The following PRCP variants were observed in gnomAD, a reference collection of about 807,000 sequenced individuals.
PRCP encodes the protein lysosomal Pro-X carboxypeptidase.
In PRCP, 46 loss-of-function variants were observed where a neutral mutation model predicts 54.2. The ratio of observed to expected loss-of-function variants is 0.85; its 90% CI spans 0.67 to 1.09. PRCP has a LOEUF of 1.09. PRCP is among the 50% of genes least tolerant of loss of function. The probability of loss-of-function intolerance (pLI) is 0.00; values close to 1 mark genes in which losing one functional copy is unlikely to be tolerated. For missense variants in PRCP, 613 were observed against 596.8 expected, an observed-to-expected ratio of 1.03 and a Z score of -0.28; for synonymous variants, 240 against 212.2, an observed-to-expected ratio of 1.13 and a Z score of -1.14.
In PRCP at chr11:82,900,385, G is replaced by C. The variant is rs746158570; in HGVS notation, c.18C>G (p.Leu6=). 3.7e-6 allele frequency: 6 copies of C among 1,613,784 alleles called. No homozygotes were observed. Among genetic ancestry groups the C allele is most frequent in the South Asian group, 2.2e-5 (2 of 91,086 alleles). MGRRA[L]LLLLLSFLAP... ...CCAGAAAAGACAGAAGCAGGAGCAG[G>C]AGGGCTCGGCGGCCCATGGCTCAGG... The change falls in exon 1 of 9, where the codon CTC becomes CTG. Residue 6 remains leucine, a synonymous_variant. Coordinates refer to ENST00000313010, the MANE Select transcript of PRCP (RefSeq NM_005040.4).
In PRCP at chr11:82,860,117, C is replaced by A; in HGVS notation, c.169G>T (p.Val57Phe). The change falls in exon 2 of 9, where the codon GTT becomes TTT. Residue 57 changes from valine (V) to phenylalanine (F), a missense_variant and splice_region_variant. By Grantham distance (50) the Val-to-Phe change is conservative. Transcript: ENST00000313010. ...NYSVLYFQQK[V>F]DHFGFNTVKT... The stretch of plus-strand genomic sequence containing the variant: ...ACAGTATTAAATCCAAAATGATCAA[C>A]CTGTGATAAAAACAAAACAAAACAT... 2.0e-6 allele frequency: 3 copies of A among 1,487,616 alleles called. No individual in the cohort carries two copies. Among genetic ancestry groups the A allele is most frequent in the Non-Finnish European group, 2.7e-6 (3 of 1,109,550 alleles). The allele number at this position is 1,487,616 out of a possible 1,614,324, so 92.2% of individuals were successfully genotyped here.
At chr11:82,893,777 A>G (rs1265734604) in intron 1 of PRCP, among the ~76,000 whole-genome samples, 1 of 152,200 alleles carries the variant, frequency 6.6e-6, no homozygotes, top group Admixed American at 6.5e-5. Context: ...TGAGTGACAG[A>G]GCAAGATCCT....
At chr11:82,874,043 TC>T in intron 1 of PRCP, among the ~76,000 whole-genome samples, 1 of 152,174 alleles carries the variant, frequency 6.6e-6, no homozygotes, top group Non-Finnish European at 1.5e-5. Context: ...TGCACATTCA[TC>T]CGGTCTAAAT....
chr11:82,859,646 A>G (rs990945660), intron 2 of PRCP, among the ~76,000 whole-genome samples: 6 of 151,982 alleles, frequency 3.9e-5, no homozygotes, highest in South Asian at 2.1e-4. Context: ...GCAAAATTCA[A>G]TTCTCTGGGA....
chr11:82,882,558 C>G (rs917358025), intron 1 of PRCP, among the ~76,000 whole-genome samples: 4 of 147,064 alleles, frequency 2.7e-5, no homozygotes, highest in Admixed American at 6.8e-5. Flanking sequence ...TGCAGTGGCG[C>G]AATCTCGGCT....
At chr11:82,893,974 A>G (rs1254363698) in intron 1 of PRCP, among the ~76,000 whole-genome samples, 1 of 152,242 alleles carries the variant, frequency 6.6e-6, no homozygotes, top group Admixed American at 6.5e-5. Context: ...TGCATTAGAC[A>G]CATTTACACT....
chr11:82,853,063 T>C (rs1401848161), intron 3 of PRCP, 114 bp downstream of exon 3: 1 of 665,872 alleles, frequency 1.5e-6, no homozygotes, highest in Non-Finnish European at 2.4e-6. Flanking sequence ...ATATAAACTA[T>C]TGAGCTTTTA....
intron 2 of PRCP, among the ~76,000 whole-genome samples, chr11:82,855,070 CA>C (rs1287836356): frequency 6.6e-6 from 1 of 151,668 alleles, no homozygotes; most frequent in African/African-American, 2.4e-5. Context: ...ATAAAAAGCC[CA>C]AAAACCCCAG....
At chr11:82,842,406 G>A (rs1393215769) in intron 6 of PRCP, among the ~76,000 whole-genome samples, 1 of 152,134 alleles carries the variant, frequency 6.6e-6, no homozygotes, top group African/African-American at 2.4e-5. Context: ...GCTCTGTGAG[G>A]TCAGATCACC....
intron 1 of PRCP, among the ~76,000 whole-genome samples, chr11:82,895,860 G>A (rs1565238165): frequency 6.6e-6 from 1 of 152,104 alleles, no homozygotes; most frequent in African/African-American, 2.4e-5. Flanking sequence ...ATTGAAAGTG[G>A]AACTATAAAG....
intron 8 of PRCP, among the ~76,000 whole-genome samples, chr11:82,832,725 A>G (rs1858418912): frequency 6.6e-6 from 1 of 152,128 alleles, no homozygotes. Context: ...CCATTTGTCA[A>G]TTTTGGCTTT....
chr11:82,887,767 T>G (rs7114521), intron 1 of PRCP, among the ~76,000 whole-genome samples: 2 of 151,894 alleles, frequency 1.3e-5, no homozygotes, highest in African/African-American at 4.8e-5. Flanking sequence ...TAGGAGCTGG[T>G]TACAAAGAAA....
At chr11:82,854,567 T>C (rs1859035171) in intron 2 of PRCP, among the ~76,000 whole-genome samples, 1 of 152,182 alleles carries the variant, frequency 6.6e-6, no homozygotes, top group Non-Finnish European at 1.5e-5. Context: ...ATTGTTAAAA[T>C]GGCCATACTC....
At chr11:82,850,097 GA>G in intron 4 of PRCP, 26 bp from the exon 5 acceptor site, 2 of 1,225,796 alleles carry the variant, frequency 1.6e-6, no homozygotes, top group Non-Finnish European at 2.1e-6. Flanking sequence ...ATCAAAGAAA[GA>G]AAAAAGAAAA....
intron 6 of PRCP, among the ~76,000 whole-genome samples, chr11:82,845,109 C>T (rs1858775700): frequency 1.3e-5 from 2 of 149,614 alleles, no homozygotes; most frequent in Non-Finnish European, 3.0e-5. Context: ...ATTCAGGAAA[C>T]AGAAAGAGCA....
intron 8 of PRCP, chr11:82,835,661 G>T: frequency 3.2e-6 from 1 of 312,756 alleles, no homozygotes; most frequent in South Asian, 2.8e-5. Flanking sequence ...TGTAGAAGCT[G>T]ATGAAGACGA....
chr11:82,900,193 G>C (rs202103768), intron 1 of PRCP, 42 bp downstream of exon 1: 1 of 1,606,796 alleles, frequency 6.2e-7, no homozygotes, highest in Non-Finnish European at 8.5e-7. Context: ...CAGGGTTCCC[G>C]GCGGTTGGGC....
chr11:82,841,939 A>G (rs1347143899), intron 6 of PRCP, among the ~76,000 whole-genome samples: 1 of 152,258 alleles, frequency 6.6e-6, no homozygotes, highest in African/African-American at 2.4e-5. Flanking sequence ...ACATAGATTC[A>G]GCTCTTTCAA....
chr11:82,858,063 A>G (rs371392837), intron 2 of PRCP, among the ~76,000 whole-genome samples: 1 of 152,210 alleles, frequency 6.6e-6, no homozygotes, highest in East Asian at 1.9e-4. Context: ...AGGCTTTGAG[A>G]GGAGGCAATT....
Sources: allele counts gnomAD v4.1 joint callset (sites outside exome capture counted in the v4.1 genomes callset), GRCh38; gene constraint gnomAD v4.1.1; transcripts MANE v1.5; gene names NCBI Gene and HGNC (gene_info 2026-07-23, HGNC 2026-07-21).